The following SLC7A9 variants were observed in gnomAD, a reference collection of about 807,000 sequenced individuals.
SLC7A9 encodes the protein solute carrier family 7 member 9, also known as B(0,+)-type amino acid transporter 1.
SLC7A9 carries 38 observed loss-of-function variants against 54.1 expected under a neutral mutation model. That is an observed-to-expected ratio of 0.70 (90% confidence interval 0.54 to 0.92). The LOEUF (loss-of-function observed/expected upper bound fraction) is 0.92. Among genes scored for constraint, SLC7A9 ranks in the 40% least tolerant of loss-of-function variants. SLC7A9 has a pLI of 0.00. For synonymous variants in SLC7A9, 264 were observed against 258.9 expected (o/e 1.02, Z -0.19); for missense variants, 537 against 636.1 (o/e 0.84, Z 1.68).
intron 9 of SLC7A9, among the ~76,000 whole-genome samples, chr19:32,846,740 C>T (rs1262773734): frequency 2.0e-5 from 3 of 152,208 alleles, no homozygotes; most frequent in Non-Finnish European, 4.4e-5. Flanking sequence ...TCCCTGACCC[C>T]CCAGCAGCCT....
At chr19:32,853,137 C>T (rs960092094) in intron 9 of SLC7A9, among the ~76,000 whole-genome samples, 2 of 152,130 alleles carry the variant, frequency 1.3e-5, no homozygotes, top group African/African-American at 2.4e-5. Flanking sequence ...TCTTGAACTC[C>T]TGACTTTAAG....
At chr19:32,833,106 C>G in intron 12 of SLC7A9, 43 bp downstream of exon 12, 1 of 1,598,866 alleles carries the variant, frequency 6.3e-7, no homozygotes, top group East Asian at 2.2e-5. Flanking sequence ...CCGTGCCTGC[C>G]TGCACCTCAC....
intron 9 of SLC7A9, among the ~76,000 whole-genome samples, chr19:32,857,377 G>C (rs1568526452): frequency 6.6e-6 from 1 of 152,146 alleles, no homozygotes; most frequent in Non-Finnish European, 1.5e-5. Flanking sequence ...CCAGGAGGTA[G>C]AGGCTACAGT....
intron 9 of SLC7A9, among the ~76,000 whole-genome samples, chr19:32,844,998 A>G (rs1207260548): frequency 1.3e-5 from 2 of 150,806 alleles, no homozygotes; most frequent in African/African-American, 4.9e-5. Context: ...CCCCATCTCT[A>G]CTAAAAATAC....
chr19:32,859,960 G>C lies in SLC7A9; in HGVS notation c.754C>G (p.Leu252Val). The change falls in exon 8 of 13, where the codon CTG becomes GTG. Residue 252 changes from leucine to valine, a missense_variant. By Grantham distance (32) the Leu-to-Val change is conservative (BLOSUM62 1). Coordinates refer to ENST00000023064, the MANE Select transcript of SLC7A9 (RefSeq NM_014270.5). The stretch of plus-strand genomic sequence containing the variant: ...ATCCCGATGATAATGGCCAAAGGCA[G>C]GTTTCTGGGAGGGGCAATGACACGG... ...TEELRNPYRN[L>V]PLAIIIGIPL... is the part of the protein sequence containing the mutation. 6.2e-7 allele frequency: 1 copy of C among 1,614,160 alleles called. No individual in the cohort carries two copies. The highest frequency in any genetic ancestry group is 1.3e-5 in the African/African-American group (1 of 75,048).
At chr19:32,841,925 G>A (rs1379558484) in intron 11 of SLC7A9, among the ~76,000 whole-genome samples, 1 of 152,098 alleles carries the variant, frequency 6.6e-6, no homozygotes, top group African/African-American at 2.4e-5. Context: ...TGAGAGCCAG[G>A]TGGACCTCTT....
chr19:32,865,985 T>C (rs12460876), intron 2 of SLC7A9, among the ~76,000 whole-genome samples: 55,026 of 149,520 alleles, frequency 0.37, 10,687 homozygotes, highest in East Asian at 0.66. Flanking sequence ...ACCTGCACAT[T>C]ACACTGTATG....
rs182443942 is a variant in SLC7A9 at position 32,867,810 on chromosome 19, T to A, written c.87+638A>T. Among the ~76,000 whole-genome samples the A allele has an allele frequency of 2.9e-3, 438 of 149,210 alleles. 3 individuals are homozygous for A. The highest frequency in any genetic ancestry group is 0.01 in the African/African-American group (409 of 40,470). On this transcript the variant is annotated intron_variant, in intron 2 of 12. Coordinates refer to ENST00000023064, the MANE Select transcript of SLC7A9 (RefSeq NM_014270.5). The stretch of plus-strand genomic sequence containing the variant: ...AAATACAAAAATTAGCCAGGCGTAG[T>A]GGCACATGCCTGTAGTCCCAGCTAC...
intron 4 of SLC7A9, among the ~76,000 whole-genome samples, chr19:32,863,685 C>G (rs927424144): frequency 1.3e-5 from 2 of 152,204 alleles, no homozygotes; most frequent in Non-Finnish European, 2.9e-5. Flanking sequence ...CACCAGCCAC[C>G]ATATCATCTC....
intron 9 of SLC7A9, among the ~76,000 whole-genome samples, chr19:32,857,699 A>T (rs1968667648): frequency 6.6e-6 from 1 of 152,182 alleles, no homozygotes; most frequent in Non-Finnish European, 1.5e-5. Flanking sequence ...CACTGCGGCA[A>T]CGTTCATGGA....
chr19:32,864,671 A>G lies in SLC7A9; in HGVS notation c.193T>C (p.Cys65Arg). The G allele has an allele frequency of 1.6e-5, 26 of 1,614,146 alleles. No homozygotes were observed. The highest frequency in any genetic ancestry group is 2.2e-5 in the Non-Finnish European group (26 of 1,180,034). Residue 65 changes from cysteine to arginine, a missense_variant, in exon 3 of 13, where the codon TGC becomes CGC. Physicochemically the swap from Cys to Arg is radical, Grantham distance 180. Coordinates refer to ENST00000023064, the MANE Select transcript of SLC7A9 (RefSeq NM_014270.5). ...CCGCAAGCCGCCCATATGATGAGGCAGGGCCCCACAGCTTCCGTGTTGCTG... is the reference window on the plus strand; with the variant it reads ...CCGCAAGCCGCCCATATGATGAGGCGGGGCCCCACAGCTTCCGTGTTGCTG... ...VLSNTEAVGP[C>R]LIIWAACGVL...
chr19:32,855,468 G>A (rs967123546), intron 9 of SLC7A9, among the ~76,000 whole-genome samples: 1 of 152,214 alleles, frequency 6.6e-6, no homozygotes, highest in Non-Finnish European at 1.5e-5. Flanking sequence ...GGGAGGCCAA[G>A]GCGGGCGGAT....
intron 11 of SLC7A9, among the ~76,000 whole-genome samples, chr19:32,836,493 G>A (rs537698162): frequency 6.6e-6 from 1 of 152,238 alleles, no homozygotes; most frequent in Admixed American, 6.5e-5. Flanking sequence ...GATTTCTGGG[G>A]TTTTCTTTTT....
At chr19:32,834,838 T>C (rs1967911575) in intron 11 of SLC7A9, among the ~76,000 whole-genome samples, 1 of 152,172 alleles carries the variant, frequency 6.6e-6, no homozygotes, top group Non-Finnish European at 1.5e-5. Context: ...TCGCTCAGGC[T>C]GGAGTGCAGT....
chr19:32,855,496 A>G (rs138248638), intron 9 of SLC7A9, among the ~76,000 whole-genome samples: 4,467 of 152,134 alleles, frequency 0.029, 69 homozygotes, highest in African/African-American at 0.046. Flanking sequence ...TCAGGAGATC[A>G]AGACCATCCT....
At chr19:32,860,502 G>A (rs1165523586) in intron 7 of SLC7A9, 104 bp downstream of exon 7, 15 of 1,588,500 alleles carry the variant, frequency 9.4e-6, no homozygotes, top group South Asian at 7.1e-5. Flanking sequence ...ATTCACTGTC[G>A]GGAAGGGCAT....
intron 12 of SLC7A9, among the ~76,000 whole-genome samples, chr19:32,832,295 A>C (rs1332781227): frequency 6.6e-6 from 1 of 151,554 alleles, no homozygotes; most frequent in Non-Finnish European, 1.5e-5. Flanking sequence ...ATCTCAAAAC[A>C]AAGAAAATGG....
intron 9 of SLC7A9, among the ~76,000 whole-genome samples, chr19:32,856,256 G>A (rs1482742179): frequency 2.0e-5 from 3 of 150,620 alleles, no homozygotes; most frequent in East Asian, 3.9e-4. Flanking sequence ...GTGCAGTGGC[G>A]TGATCTTGGC....
rs538575239 is a variant in SLC7A9, at chr19:32,841,741, T to C, written c.1224+427A>G. Among the ~76,000 whole-genome samples, 37 of 152,210 alleles carry C rather than the reference T, an allele frequency of 2.4e-4. No individual in the cohort carries two copies. The East Asian group carries it at 7.1e-3, about 29-fold the overall frequency. On this transcript the variant is annotated intron_variant, in intron 11 of 12. Transcript: ENST00000023064. ...GGCCAACATGGTAAAACCCCATCTC[T>C]ACTAAAAATACAAAAATTAGCCAGG...
Sources: gnomAD v4.1 joint callset for allele counts (sites outside exome capture counted in the v4.1 genomes callset) on GRCh38, gnomAD v4.1.1 for gene constraint, MANE v1.5 for transcripts, NCBI Gene and HGNC (gene_info 2026-07-23, HGNC 2026-07-21) for gene names.